The following CRYAB variants were observed in gnomAD, a reference collection of about 807,000 sequenced individuals.
CRYAB encodes the protein crystallin alpha B, also known as alpha-crystallin B chain.
A neutral mutation model predicts 12.7 loss-of-function variants in CRYAB; 9 were observed. The observed-to-expected ratio is 0.71, with a 90% CI of 0.43 to 1.24. CRYAB has a LOEUF of 1.24. Ranked by LOEUF, CRYAB falls within the 50% of genes most tolerant of loss-of-function variation. The probability of loss-of-function intolerance (pLI) is 0.00; values close to 1 mark genes in which losing one functional copy is unlikely to be tolerated. For synonymous variants in CRYAB, 93 were observed against 86.8 expected (o/e 1.07, Z -0.40); for missense variants, 183 against 226.6 (o/e 0.81, Z 1.24).
chr11:111,921,038 C>T (rs1425688522), intron 1 of CRYAB, among the ~76,000 whole-genome samples: 1 of 152,192 alleles, frequency 6.6e-6, no homozygotes, highest in East Asian at 1.9e-4. Context: ...ATTTTCATCA[C>T]TGCCATGCCG....
intron 2 of CRYAB, chr11:111,909,820 G>A (rs1965395561): frequency 1.1e-5 from 3 of 282,316 alleles, no homozygotes; most frequent in South Asian, 1.1e-4. Flanking sequence ...TGTAGTTAAT[G>A]TAATTATGCA....
At chr11:111,910,170 C>T (rs1343039748) in intron 2 of CRYAB, 157 bp downstream of exon 2, 2 of 881,044 alleles carry the variant, frequency 2.3e-6, no homozygotes, top group Admixed American at 1.9e-5. Context: ...TATGTCTATC[C>T]TAACTTAGTC....
At chr11:111,918,880 G>A in intron 1 of CRYAB, 2 of 1,466,726 alleles carry the variant, frequency 1.4e-6, no homozygotes, top group South Asian at 2.3e-5. Flanking sequence ...CACAGACTCC[G>A]GGAGCTGCCG....
At chr11:111,920,998 T>A (rs1379008185) in intron 1 of CRYAB, among the ~76,000 whole-genome samples, 1 of 152,164 alleles carries the variant, frequency 6.6e-6, no homozygotes, top group African/African-American at 2.4e-5. Context: ...TAATAAATTA[T>A]CTGTGGGGTT....
chr11:111,913,049 C>G (rs546158321), upstream of CRYAB: 49 of 701,180 alleles, frequency 7.0e-5, 1 homozygote, highest in East Asian at 1.1e-3. Context: ...AGCCACCCCC[C>G]ACCCCAGACT....
upstream of CRYAB, among the ~76,000 whole-genome samples, chr11:111,917,360 A>G (rs904704373): frequency 6.6e-6 from 1 of 152,208 alleles, no homozygotes; most frequent in Non-Finnish European, 1.5e-5. Context: ...ATGGTAGAGT[A>G]GAGTACAGAA....
At chr11:111,919,473 A>G (rs1448098582) in intron 1 of CRYAB, among the ~76,000 whole-genome samples, 1 of 149,688 alleles carries the variant, frequency 6.7e-6, no homozygotes, top group Non-Finnish European at 1.5e-5. Context: ...CTGTCTCAAC[A>G]ACAACAACAA....
upstream of CRYAB, chr11:111,913,686 T>C: frequency 6.2e-7 from 1 of 1,614,142 alleles, no homozygotes. Flanking sequence ...CGGCTTCGTG[T>C]CCCGAGAGTT....
In CRYAB at chr11:111,922,212, C is replaced by T. The variant is rs996510767; in HGVS notation, c.-199+1491G>A. On this transcript the variant is annotated intron_variant, in intron 1 of 3. Transcript: ENST00000527950. ...GCTGAAGTTCTCACAGCTATTCTGA[C>T]CTCATCAGTCTGACTCTAGAGCCCA... Among the ~76,000 whole-genome samples the T allele has an allele frequency of 2.0e-5, 3 of 152,178 alleles. No individual in the cohort carries two copies. In the South Asian group the frequency reaches 6.2e-4, roughly 31 times the overall value.
In CRYAB at chr11:111,908,926, G is replaced by C; in HGVS notation, c.366C>G (p.Tyr122Ter). Residue 122 changes from tyrosine (Y) to a stop codon, truncating the protein, a stop_gained, in exon 3 of 3, where the codon TAC (tyrosine) becomes TAG (stop). Transcript: ENST00000650687. LOFTEE classifies it high-confidence loss of function. ...GAGGGTCTACATCAGCTGGGATCCG[G>C]TATTTCCTGTGGAACTCCCTGGAGA... The part of the protein sequence containing the change: ...GFISREFHRK[Y>*]RIPADVDPLT... The C allele has an allele frequency of 6.2e-7, 1 of 1,614,112 alleles. No individual in the cohort carries two copies. The highest frequency in any genetic ancestry group is 1.1e-5 in the South Asian group (1 of 91,064).
chr11:111,918,599 T>C (rs1019240749), intron 1 of CRYAB: 5 of 643,866 alleles, frequency 7.8e-6, no homozygotes, highest in Admixed American at 2.3e-5. Flanking sequence ...TCATCTATTA[T>C]AGAGGATATA....
chr11:111,916,565 C>T (rs1555166133), upstream of CRYAB, among the ~76,000 whole-genome samples: 1 of 152,208 alleles, frequency 6.6e-6, no homozygotes, highest in South Asian at 2.1e-4. Flanking sequence ...CTTTCCACAT[C>T]ACATATTACC....
intron 1 of CRYAB, chr11:111,918,913 G>T (rs1424091229): frequency 1.2e-6 from 2 of 1,604,888 alleles, no homozygotes; most frequent in Admixed American, 3.3e-5. Flanking sequence ...CCAGGAACCC[G>T]GAAATGCACA....
chr11:111,920,055 C>T (rs781795382), intron 1 of CRYAB, among the ~76,000 whole-genome samples: 12 of 151,820 alleles, frequency 7.9e-5, no homozygotes, highest in Admixed American at 1.3e-4. Context: ...ATTAGCCGGG[C>T]GTGGTGGTGG....
intron 1 of CRYAB, chr11:111,919,222 C>G (rs1965647382): frequency 1.7e-6 from 1 of 581,834 alleles, no homozygotes; most frequent in Admixed American, 3.0e-5. Context: ...CGCCTCTACT[C>G]CCAGCACTTT....
intron 1 of CRYAB, chr11:111,918,719 A>T (rs1965635632): frequency 1.5e-6 from 1 of 682,894 alleles, no homozygotes; most frequent in African/African-American, 1.8e-5. Context: ...TCATGGCTTC[A>T]TCAAAAGACG....
intron 1 of CRYAB, among the ~76,000 whole-genome samples, chr11:111,922,546 T>A (rs1262278635): frequency 2.0e-5 from 3 of 152,224 alleles, no homozygotes; most frequent in Non-Finnish European, 4.4e-5. Context: ...ATATATTTTT[T>A]AAATGTGCAC....
chr11:111,911,811 GAAGCTTC>G, upstream of CRYAB: 1 of 867,866 alleles, frequency 1.2e-6, no homozygotes, highest in Admixed American at 2.1e-5. Flanking sequence ...GCAGTCTTGT[GAAGCTTC>G]TGGAATGGTG....
intron 1 of CRYAB, chr11:111,919,208 C>G: frequency 1.6e-6 from 1 of 617,398 alleles, no homozygotes; most frequent in Non-Finnish European, 2.9e-6. Context: ...GGCGCGGTGG[C>G]TCACGCCTCT....
Sources: gnomAD v4.1 joint callset for allele counts (sites outside exome capture counted in the v4.1 genomes callset) on GRCh38, gnomAD v4.1.1 for gene constraint, MANE v1.5 for transcripts, NCBI Gene and HGNC (gene_info 2026-07-23, HGNC 2026-07-21) for gene names.